Variants in CTDSPL observed in about 807,000 individuals in gnomAD.
The protein encoded by CTDSPL is CTD small phosphatase like.
CTDSPL carries 8 observed loss-of-function variants against 30.5 expected under a neutral mutation model. That is an observed-to-expected ratio of 0.26 (90% CI 0.15 to 0.47). The LOEUF is 0.47. CTDSPL is among the 20% of genes least tolerant of loss of function. The pLI, the probability that CTDSPL is intolerant of heterozygous loss-of-function variation, is 0.99. For missense variants in CTDSPL, 248 were observed against 366.1 expected, an observed-to-expected ratio of 0.68 and a Z score of 2.63; for synonymous variants, 110 against 137.9, an observed-to-expected ratio of 0.80 and a Z score of 1.42.
intron 1 of CTDSPL, among the ~76,000 whole-genome samples, chr3:37,880,342 G>C (rs1698189131): frequency 6.7e-6 from 1 of 148,962 alleles, no homozygotes; most frequent in Non-Finnish European, 1.5e-5. Context: ...AGTATTTGGA[G>C]ACTATTACAA....
At chr3:37,923,645 T>TA (rs1162229311) in intron 1 of CTDSPL, among the ~76,000 whole-genome samples, 3 of 152,216 alleles carry the variant, frequency 2.0e-5, no homozygotes, top group African/African-American at 7.2e-5. Flanking sequence ...ACATATCTTA[T>TA]AAAGCCGTAT....
At chr3:37,888,721 G>C (rs1013419019) in intron 1 of CTDSPL, among the ~76,000 whole-genome samples, 8 of 152,172 alleles carry the variant, frequency 5.3e-5, no homozygotes, top group Non-Finnish European at 1.2e-4. Flanking sequence ...TTTGTTTGGG[G>C]GACCATCTTT....
rs1254052231 is a variant in CTDSPL, at chr3:37,867,037, T to C, written c.79+4759T>C. On this transcript the variant is annotated intron_variant, in intron 1 of 7. Coordinates refer to ENST00000273179, the MANE Select transcript of CTDSPL (RefSeq NM_001008392.2). ...TCACATCAGGATGTTGACATTGATA[T>C]AGTCAAGGTATAGAAAAATTTCATC... is the stretch of plus-strand genomic sequence containing the variant. 4.6e-5 allele frequency among the ~76,000 whole-genome samples: 7 copies of C among 152,308 alleles called. No homozygotes were observed. The South Asian group carries it at 1.5e-3, about 32-fold the overall frequency.
At chr3:37,905,934 T>A (rs1341447595) in intron 1 of CTDSPL, among the ~76,000 whole-genome samples, 1 of 152,248 alleles carries the variant, frequency 6.6e-6, no homozygotes, top group African/African-American at 2.4e-5. Flanking sequence ...GAGAAGAGTA[T>A]GGACTGGCAC....
At chr3:37,934,195 C>T (rs1023002352) in intron 1 of CTDSPL, among the ~76,000 whole-genome samples, 2 of 151,964 alleles carry the variant, frequency 1.3e-5, no homozygotes, top group Admixed American at 1.3e-4. Context: ...GGAACAGTGT[C>T]ATATGCCTGT....
chr3:37,913,188 C>T (rs1698603013), intron 1 of CTDSPL, among the ~76,000 whole-genome samples: 1 of 152,040 alleles, frequency 6.6e-6, no homozygotes, highest in Non-Finnish European at 1.5e-5. Context: ...GGTGTGGTGG[C>T]ATGTACCTGT....
intron 1 of CTDSPL, among the ~76,000 whole-genome samples, chr3:37,867,901 T>C (rs1352478832): frequency 3.3e-5 from 5 of 152,164 alleles, no homozygotes; most frequent in Admixed American, 3.3e-4. Context: ...ATAGCCACCA[T>C]CACAAGCTAC....
In CTDSPL at chr3:37,983,313, A is replaced by ATATC. The variant is rs1273027241; in HGVS notation, c.*2449_*2450insCTAT. On this transcript the variant is annotated 3_prime_UTR_variant, in exon 8 of 8. Coordinates refer to ENST00000273179, the MANE Select transcript of CTDSPL (RefSeq NM_001008392.2). Reference sequence around the variant, plus strand: ...TATATCTATATCTATATCTATATCTATATATTTTTAATCATCTACATGTAA... The same window carrying ATATC: ...TATATCTATATCTATATCTATATCTATATCTATATTTTTAATCATCTACATGTAA... 3 of 151,094 alleles carry ATATC rather than the reference A, an allele frequency of 2.0e-5. No homozygotes were observed. Among genetic ancestry groups the ATATC allele is most frequent in the African/African-American group, 7.4e-5 (3 of 40,280 alleles). 9.4% of individuals were successfully genotyped at this position (151,094 alleles called of 1,614,324 possible).
At chr3:37,914,395 G>A (rs1172405542) in intron 1 of CTDSPL, among the ~76,000 whole-genome samples, 1 of 152,098 alleles carries the variant, frequency 6.6e-6, no homozygotes, top group Non-Finnish European at 1.5e-5. Flanking sequence ...AGTGATGCAG[G>A]CATTCTTGTC....
At chr3:37,925,128 T>G (rs1698766860) in intron 1 of CTDSPL, among the ~76,000 whole-genome samples, 2 of 152,120 alleles carry the variant, frequency 1.3e-5, no homozygotes, top group Admixed American at 6.5e-5. Context: ...CATCCTTCCT[T>G]GCTCAGTTGT....
chr3:37,930,072 A>G (rs139495469), intron 1 of CTDSPL, among the ~76,000 whole-genome samples: 135 of 150,614 alleles, frequency 9.0e-4, no homozygotes, highest in Admixed American at 1.5e-3. Flanking sequence ...GCACCACTGC[A>G]CTCCAGCCTG....
intron 1 of CTDSPL, among the ~76,000 whole-genome samples, chr3:37,870,341 T>C (rs534101429): frequency 3.3e-5 from 5 of 152,130 alleles, no homozygotes; most frequent in African/African-American, 7.2e-5. Flanking sequence ...AATTTGTGTG[T>C]ATAGAGCTAT....
At chr3:37,932,980 C>T (rs1698872165) in intron 1 of CTDSPL, among the ~76,000 whole-genome samples, 1 of 151,974 alleles carries the variant, frequency 6.6e-6, no homozygotes, top group South Asian at 2.1e-4. Context: ...TGGTGAAACC[C>T]TGTCTCTACT....
At chr3:37,876,474 C>G (rs1442129378) in intron 1 of CTDSPL, among the ~76,000 whole-genome samples, 1 of 152,132 alleles carries the variant, frequency 6.6e-6, no homozygotes, top group African/African-American at 2.4e-5. Context: ...CTTGTCAGCA[C>G]TTGATATTGT....
intron 1 of CTDSPL, among the ~76,000 whole-genome samples, chr3:37,946,355 T>C (rs1372765255): frequency 6.6e-6 from 1 of 152,250 alleles, no homozygotes; most frequent in Admixed American, 6.5e-5. Flanking sequence ...CTCGTGAAGA[T>C]GGGCTTTGCC....
At chr3:37,953,960 AG>A (rs1699138935) in intron 2 of CTDSPL, among the ~76,000 whole-genome samples, 2 of 152,208 alleles carry the variant, frequency 1.3e-5, no homozygotes, top group South Asian at 4.1e-4. Context: ...ACTCCACCAA[AG>A]TTGATTCAAA....
chr3:37,968,735 A>C (rs1243621779), intron 5 of CTDSPL, among the ~76,000 whole-genome samples: 2 of 152,236 alleles, frequency 1.3e-5, no homozygotes, highest in Non-Finnish European at 2.9e-5. Context: ...GCAAGGTGTC[A>C]GAACTGGAGA....
At chr3:37,867,120 C>T (rs1698019217) in intron 1 of CTDSPL, among the ~76,000 whole-genome samples, 1 of 152,136 alleles carries the variant, frequency 6.6e-6, no homozygotes, top group Admixed American at 6.5e-5. Context: ...CCCATGCCCA[C>T]CCTGCTCCAT....
intron 1 of CTDSPL, among the ~76,000 whole-genome samples, chr3:37,919,817 CAG>C (rs1204216191): frequency 6.6e-6 from 1 of 152,070 alleles, no homozygotes; most frequent in Non-Finnish European, 1.5e-5. Context: ...CTGGGGGAAA[CAG>C]AGAAGAAAGT....
Sources: allele counts gnomAD v4.1 joint callset (sites outside exome capture counted in the v4.1 genomes callset), GRCh38; gene constraint gnomAD v4.1.1; transcripts MANE v1.5; gene names NCBI Gene and HGNC (gene_info 2026-07-23, HGNC 2026-07-21).